The following FRMD4A variants were observed in gnomAD, a reference collection of about 807,000 sequenced individuals.
FRMD4A encodes FERM domain containing 4A.
FRMD4A carries 29 observed loss-of-function variants against 129.1 expected under a neutral mutation model. The ratio of observed to expected loss-of-function variants is 0.22; its 90% CI spans 0.17 to 0.31. The LOEUF (loss-of-function observed/expected upper bound fraction) is 0.31, where lower values mean the gene tolerates loss of function less well. Ranked by LOEUF, FRMD4A falls within the 10% of genes least tolerant of loss-of-function variation. The probability of loss-of-function intolerance (pLI) is 1.00; values close to 1 mark genes in which losing one functional copy is unlikely to be tolerated. For synonymous variants in FRMD4A, 634 were observed against 571.6 expected (o/e 1.11, Z -1.56); for missense variants, 1,272 against 1,375.8 (o/e 0.92, Z 1.19).
chr10:14,281,403 T>A (rs1845516579), intron 2 of FRMD4A, among the ~76,000 whole-genome samples: 1 of 152,242 alleles, frequency 6.6e-6, no homozygotes, highest in African/African-American at 2.4e-5. Flanking sequence ...GTAATTGCTG[T>A]TTATGCCGCA....
chr10:14,139,429 A>G (rs1263064106), intron 2 of FRMD4A, among the ~76,000 whole-genome samples: 1 of 129,462 alleles, frequency 7.7e-6, no homozygotes, highest in East Asian at 3.3e-4. Flanking sequence ...TATCAAAAAC[A>G]TATTTCTTTT....
chr10:14,095,528 C>A (rs754283377), intron 2 of FRMD4A, among the ~76,000 whole-genome samples: 2 of 152,232 alleles, frequency 1.3e-5, no homozygotes, highest in African/African-American at 2.4e-5. Context: ...AGCCGAAGCA[C>A]CTCGCCGGGA....
chr10:13,789,820 G>A (rs913144268), intron 5 of FRMD4A, among the ~76,000 whole-genome samples: 1 of 145,856 alleles, frequency 6.9e-6, no homozygotes, highest in Non-Finnish European at 1.5e-5. Flanking sequence ...GGTGAGGGGA[G>A]TGGGAAGAGG....
In FRMD4A at chr10:13,707,273, TACAC is replaced by T. The variant is rs1175253259; in HGVS notation, c.760-164_760-161del. 7 of 737,482 alleles carry T rather than the reference TACAC, an allele frequency of 9.5e-6. No individual in the cohort carries two copies. In the East Asian group the frequency reaches 2.1e-4, roughly 22 times the overall value. 45.7% of individuals were successfully genotyped at this position (737,482 alleles called of 1,614,324 possible). On this transcript the variant is annotated intron_variant, in intron 12 of 24. Transcript: ENST00000357447. ...CTCTTGCTTGACACACACACACACA[TACAC>T]ACACACACGCAGCTCTCCAGTTCAA...
chr10:13,804,809 C>T (rs1174448912), intron 4 of FRMD4A, among the ~76,000 whole-genome samples: 3 of 151,158 alleles, frequency 2.0e-5, no homozygotes, highest in Admixed American at 6.6e-5. Flanking sequence ...CTGCCTACCT[C>T]GGCCTCCCAA....
At chr10:14,119,133 CAGGCCAAGTG>C (rs1008675734) in intron 2 of FRMD4A, among the ~76,000 whole-genome samples, 2 of 152,104 alleles carry the variant, frequency 1.3e-5, no homozygotes, top group Non-Finnish European at 2.9e-5. Context: ...GCACTCAGGG[CAGGCCAAGTG>C]AGCCCTCAAT....
At chr10:13,731,027 C>CA (rs11286606) in intron 12 of FRMD4A, among the ~76,000 whole-genome samples, 33 of 139,562 alleles carry the variant, frequency 2.4e-4, no homozygotes, top group Non-Finnish European at 3.2e-4. Flanking sequence ...GACTCCCTCT[C>CA]AAAAAAAAAA....
chr10:14,188,594 A>C (rs893365891), intron 2 of FRMD4A, among the ~76,000 whole-genome samples: 2 of 152,190 alleles, frequency 1.3e-5, no homozygotes, highest in African/African-American at 4.8e-5. Context: ...TAAGCCCTCA[A>C]TAGACATTAG....
intron 2 of FRMD4A, among the ~76,000 whole-genome samples, chr10:14,048,556 A>G (rs1260329152): frequency 6.6e-6 from 1 of 152,184 alleles, no homozygotes; most frequent in Non-Finnish European, 1.5e-5. Context: ...CTGTAATCAC[A>G]GCATTTTGAG....
intron 15 of FRMD4A, chr10:13,685,661 C>G: frequency 1.0e-6 from 1 of 983,776 alleles, no homozygotes; most frequent in Non-Finnish European, 1.2e-6. Flanking sequence ...AGTTATATCT[C>G]TTTTTAGTAT....
intron 2 of FRMD4A, among the ~76,000 whole-genome samples, chr10:13,925,569 T>TTTTTG: frequency 6.0e-5 from 1 of 16,558 alleles, no homozygotes; most frequent in African/African-American, 1.8e-4. Flanking sequence ...TGAAACGCTT[T>TTTTTG]TTTTTTTTTT....
chr10:13,956,303 C>T (rs1366902132), intron 2 of FRMD4A, among the ~76,000 whole-genome samples: 3 of 152,194 alleles, frequency 2.0e-5, no homozygotes, highest in Non-Finnish European at 4.4e-5. Flanking sequence ...CAGGCATGAG[C>T]CACCACACCC....
chr10:13,790,662 G>A (rs187150989), intron 5 of FRMD4A, among the ~76,000 whole-genome samples: 20 of 151,046 alleles, frequency 1.3e-4, no homozygotes, highest in Middle Eastern at 3.4e-3. Flanking sequence ...GCAGAAGCAC[G>A]CCTGTGGAGC....
chr10:14,320,209 G>C (rs1458384295), intron 2 of FRMD4A, among the ~76,000 whole-genome samples: 1 of 152,046 alleles, frequency 6.6e-6, no homozygotes, highest in Admixed American at 6.5e-5. Context: ...TGCCCATTAA[G>C]TCAGTCCAAT....
chr10:14,159,348 A>G (rs1840763346), intron 2 of FRMD4A, among the ~76,000 whole-genome samples: 1 of 152,226 alleles, frequency 6.6e-6, no homozygotes, highest in Non-Finnish European at 1.5e-5. Flanking sequence ...AAAGAAATCA[A>G]GAAAGAAATC....
chr10:14,281,286 C>T (rs1845512528), intron 2 of FRMD4A, among the ~76,000 whole-genome samples: 1 of 152,180 alleles, frequency 6.6e-6, no homozygotes, highest in Non-Finnish European at 1.5e-5. Context: ...GCCACCACAC[C>T]CAGCCTGGTT....
intron 2 of FRMD4A, among the ~76,000 whole-genome samples, chr10:13,975,604 CGTGTGTGTCTAT>C (rs1177789731): frequency 8.1e-5 from 12 of 148,816 alleles, no homozygotes; most frequent in Non-Finnish European, 8.9e-5. Context: ...GTGTCTGTCT[CGTGTGTGTCTAT>C]GTGTGTGTCT....
chr10:14,178,477 T>C (rs973391006), intron 2 of FRMD4A, among the ~76,000 whole-genome samples: 3 of 152,204 alleles, frequency 2.0e-5, no homozygotes, highest in Admixed American at 1.3e-4. Context: ...CACTTATGAT[T>C]TCCAAGTCCT....
chr10:14,170,740 A>G (rs1485429570), intron 2 of FRMD4A, among the ~76,000 whole-genome samples: 3 of 152,142 alleles, frequency 2.0e-5, no homozygotes, highest in Admixed American at 6.6e-5. Flanking sequence ...CTATAATCTT[A>G]TTTGGATATT....
Sources: gnomAD v4.1 joint callset for allele counts (sites outside exome capture counted in the v4.1 genomes callset) on GRCh38, gnomAD v4.1.1 for gene constraint, MANE v1.5 for transcripts, NCBI Gene and HGNC (gene_info 2026-07-23, HGNC 2026-07-21) for gene names.